ORC4: variants seen among roughly 807,000 people sequenced by gnomAD.
ORC4 encodes the protein origin recognition complex, subunit 4 homolog.
Under a neutral mutation model 63.9 loss-of-function variants are expected in ORC4, and 55 were observed. That is an observed-to-expected ratio of 0.86 (90% CI 0.69 to 1.08). ORC4 has a LOEUF of 1.08. Ranked by LOEUF, ORC4 falls within the 50% of genes least tolerant of loss-of-function variation. The pLI is 0.00. For missense variants in ORC4, 511 were observed against 504.4 expected (o/e 1.01, Z -0.13); for synonymous variants, 150 against 168.5 (o/e 0.89, Z 0.85).
rs558107850 is a variant in ORC4 at position 147,930,934 on chromosome 2, C to A, written c.*4576G>T. The A allele has an allele frequency of 6.6e-6, 1 of 150,512 alleles. No individual in the cohort carries two copies. The highest frequency in any genetic ancestry group is 1.5e-5 in the Non-Finnish European group (1 of 67,660). 9.3% of individuals were successfully genotyped at this position (150,512 alleles called of 1,614,324 possible). On this transcript the variant is annotated 3_prime_UTR_variant, in exon 14 of 14. Transcript: ENST00000392857. ...GGTTAGTTACATAGGTATACATGTG[C>A]CATGCTGGTGCGCTGCACCCACTAA...
intron 4 of ORC4, among the ~76,000 whole-genome samples, chr2:147,959,755 A>G (rs550069359): frequency 1.8e-4 from 27 of 152,290 alleles, no homozygotes; most frequent in South Asian, 1.0e-3. Context: ...TTTTTAAAGC[A>G]TAGGGAATTC....
At chr2:148,014,071 G>A (rs1191732684) in intron 1 of ORC4, among the ~76,000 whole-genome samples, 1 of 152,146 alleles carries the variant, frequency 6.6e-6, no homozygotes. Context: ...AAGGCCAGGT[G>A]TGGTGGCTCA....
chr2:147,967,868 T>C (rs976069339), intron 4 of ORC4, among the ~76,000 whole-genome samples: 1 of 152,074 alleles, frequency 6.6e-6, no homozygotes, highest in Admixed American at 6.6e-5. Flanking sequence ...GGAATAAGGC[T>C]GGAGTCAACA....
intron 1 of ORC4, among the ~76,000 whole-genome samples, chr2:148,017,538 G>A (rs1350065452): frequency 6.6e-6 from 1 of 152,108 alleles, no homozygotes; most frequent in Admixed American, 6.5e-5. Flanking sequence ...CAGGTGTGGT[G>A]GCACATGCTT....
At chr2:148,005,096 C>G (rs999161896) in intron 1 of ORC4, among the ~76,000 whole-genome samples, 1 of 152,166 alleles carries the variant, frequency 6.6e-6, no homozygotes, top group Non-Finnish European at 1.5e-5. Flanking sequence ...ACTATAAAGA[C>G]ACATGCATAC....
At chr2:147,962,936 C>A (rs1259723985) in intron 4 of ORC4, among the ~76,000 whole-genome samples, 2 of 152,062 alleles carry the variant, frequency 1.3e-5, no homozygotes, top group Non-Finnish European at 2.9e-5. Flanking sequence ...ATGACCTGTA[C>A]CTGAGAAACA....
chr2:147,962,440 G>A (rs1689653589), intron 4 of ORC4, among the ~76,000 whole-genome samples: 1 of 152,156 alleles, frequency 6.6e-6, no homozygotes, highest in African/African-American at 2.4e-5. Context: ...GCCCCGCTCT[G>A]TGGGCCAGTA....
At chr2:148,019,692 T>C (rs1693571349) in intron 1 of ORC4, among the ~76,000 whole-genome samples, 1 of 152,238 alleles carries the variant, frequency 6.6e-6, no homozygotes, top group Non-Finnish European at 1.5e-5. Context: ...CATACAAAGA[T>C]GATATTCCTT....
intron 10 of ORC4, 116 bp from the exon 11 acceptor site, chr2:147,939,364 T>C: frequency 1.4e-6 from 1 of 693,618 alleles, no homozygotes; most frequent in Non-Finnish European, 2.6e-6. Context: ...ATATTAATGC[T>C]TAGGAAGGTA....
chr2:147,986,932 G>GA (rs902710831), intron 1 of ORC4, among the ~76,000 whole-genome samples: 3 of 151,080 alleles, frequency 2.0e-5, no homozygotes, highest in Non-Finnish European at 4.4e-5. Flanking sequence ...ACAAAAAAAT[G>GA]AAAAAAAAGT....
rs147310066 is a variant in ORC4 at position 148,019,208 on chromosome 2, C to G, written c.-18+1425G>C. 7.2e-5 allele frequency among the ~76,000 whole-genome samples: 11 copies of G among 152,272 alleles called. No homozygotes were observed. In the East Asian group the frequency reaches 2.1e-3, roughly 29 times the overall value. On this transcript the variant is annotated intron_variant, in intron 1 of 13. Coordinates refer to ENST00000392857, the MANE Select transcript of ORC4 (RefSeq NM_181741.4). Reference sequence around the variant, plus strand: ...AATACAGAAGATACTAAGGGCTAAGCAATGATGCATAAACGGGGTCCACTG... The same window carrying G: ...AATACAGAAGATACTAAGGGCTAAGGAATGATGCATAAACGGGGTCCACTG...
intron 1 of ORC4, among the ~76,000 whole-genome samples, chr2:147,986,899 TAC>T (rs1454965412): frequency 6.6e-6 from 1 of 151,846 alleles, no homozygotes; most frequent in Non-Finnish European, 1.5e-5. Flanking sequence ...CATAAGTCGT[TAC>T]ACAGTGAAAA....
intron 1 of ORC4, among the ~76,000 whole-genome samples, chr2:148,004,794 CAT>C (rs780543753): frequency 7.2e-5 from 11 of 152,006 alleles, no homozygotes; most frequent in East Asian, 3.9e-4. Flanking sequence ...GGCCAACAAA[CAT>C]GTGAAAAAAA....
intron 2 of ORC4, among the ~76,000 whole-genome samples, chr2:147,975,110 G>T (rs1264234446): frequency 6.6e-6 from 1 of 152,074 alleles, no homozygotes; most frequent in African/African-American, 2.4e-5. Context: ...AAGAATACCA[G>T]TAACACTTAA....
At chr2:147,944,006 A>C (rs1354091424) in intron 9 of ORC4, among the ~76,000 whole-genome samples, 5 of 152,156 alleles carry the variant, frequency 3.3e-5, no homozygotes, top group Non-Finnish European at 7.4e-5. Flanking sequence ...ATGAGTAGTC[A>C]CGTACTGGAG....
intron 4 of ORC4, 120 bp from the exon 5 acceptor site, chr2:147,958,986 G>T: frequency 1.8e-6 from 1 of 567,582 alleles, no homozygotes; most frequent in Non-Finnish European, 3.2e-6. Flanking sequence ...TAACAAGTAA[G>T]TTTTCAAATT....
chr2:147,961,559 C>T (rs1471184855), intron 4 of ORC4, among the ~76,000 whole-genome samples: 11 of 152,040 alleles, frequency 7.2e-5, no homozygotes, highest in African/African-American at 2.7e-4. Flanking sequence ...CCCACACATA[C>T]AACAAATTAC....
Position 147,930,878 on chromosome 2 carries a change from T to TAA in ORC4, c.*4630_*4631dup, listed in dbSNP as rs1558820226. On this transcript the variant is annotated 3_prime_UTR_variant, in exon 14 of 14. Transcript: ENST00000392857. Reference sequence around the variant, plus strand: ...TATGTTTTTTTTTTTTTTTATACTTTAAGTTTTAGGGTACATGTGCACATT... The same window carrying TAA: ...TATGTTTTTTTTTTTTTTTATACTTTAAAAGTTTTAGGGTACATGTGCACATT... The TAA allele has an allele frequency of 6.6e-6, 1 of 151,542 alleles. No individual in the cohort carries two copies. Among genetic ancestry groups the TAA allele is most frequent in the Non-Finnish European group, 1.5e-5 (1 of 67,872 alleles). 9.4% of individuals were successfully genotyped at this position (151,542 alleles called of 1,614,324 possible).
At chr2:148,010,848 CTTTTTTTTTT>C (rs201359357) in intron 1 of ORC4, among the ~76,000 whole-genome samples, 3 of 98,532 alleles carry the variant, frequency 3.0e-5, no homozygotes, top group East Asian at 6.0e-4. Context: ...CAGATTTATT[CTTTTTTTTTT>C]TTTTTTTTTT....
Sources: gnomAD v4.1 joint callset for allele counts (sites outside exome capture counted in the v4.1 genomes callset) on GRCh38, gnomAD v4.1.1 for gene constraint, MANE v1.5 for transcripts, NCBI Gene and HGNC (gene_info 2026-07-23, HGNC 2026-07-21) for gene names.